The following OSR1 variants were observed in gnomAD, a reference collection of about 807,000 sequenced individuals.
OSR1 encodes protein odd-skipped-related 1.
Under a neutral mutation model 15.7 loss-of-function variants are expected in OSR1, and 3 were observed. The observed-to-expected ratio is 0.19, with a 90% confidence interval of 0.09 to 0.50. OSR1 has a LOEUF of 0.50. Ranked by LOEUF, OSR1 falls within the 20% of genes least tolerant of loss-of-function variation. OSR1 has a pLI of 0.97. For missense variants in OSR1, 271 were observed against 351.1 expected, an observed-to-expected ratio of 0.77 and a Z score of 1.82; for synonymous variants, 166 against 152.7, an observed-to-expected ratio of 1.09 and a Z score of -0.64.
At chr2:19,346,220 T>A in the OSR1 span, among the ~76,000 whole-genome samples, 1 of 152,240 alleles carries the variant, frequency 6.6e-6, no homozygotes, top group African/African-American at 2.4e-5. Flanking sequence ...GAGAGCCAAC[T>A]CAGTGTTTGG....
chr2:19,352,584 G>A (rs1464148740), intron 2 of OSR1, among the ~76,000 whole-genome samples, 174 bp from the exon 3 acceptor site: 1 of 152,140 alleles, frequency 6.6e-6, no homozygotes, highest in Non-Finnish European at 1.5e-5. Flanking sequence ...GGAGGTAAAG[G>A]AGATGCTTTA....
At chr2:19,347,174 G>C (rs1664747199), downstream of OSR1, among the ~76,000 whole-genome samples, 1 of 152,158 alleles carries the variant, frequency 6.6e-6, no homozygotes, top group African/African-American at 2.4e-5. Flanking sequence ...AGTAGGTTGG[G>C]AGGCAGGCTA....
At position 19,352,207 on chromosome 2, in the gene OSR1, T is replaced by C; in HGVS notation, c.*68A>G. ...GCGCCTCTCCCGCTGCCCGCCAGAG[T>C]CAGGCTTCTGGTCCCTATGGAGGAG... On this transcript the variant is annotated 3_prime_UTR_variant, in exon 3 of 3. Transcript: ENST00000272223. 1 of 1,536,380 alleles carries C rather than the reference T, an allele frequency of 6.5e-7. No individual in the cohort carries two copies. Among genetic ancestry groups the C allele is most frequent in the South Asian group, 1.2e-5 (1 of 84,994 alleles).
chr2:19,346,132 C>T, the OSR1 span, among the ~76,000 whole-genome samples: 930 of 152,304 alleles, frequency 6.1e-3, 7 homozygotes, highest in Non-Finnish European at 0.01. Context: ...TCTTATCTCA[C>T]TAGCAAAAAA....
Position 19,357,348 on chromosome 2 carries a change from T to G in OSR1, c.-33+993A>C, listed in dbSNP as rs936801708. On this transcript the variant is annotated intron_variant, in intron 1 of 2. Transcript: ENST00000272223. This position sits in a 1 kb window ranked among gnomAD's most constrained non-coding sequence, Gnocchi z 5.0. ...CGCAGCTCTTAGCCTGGGTGAAATT[T>G]ACCAAATTGTGGCAACAAAGAAACC... Among the ~76,000 whole-genome samples the G allele has an allele frequency of 2.6e-5, 4 of 152,180 alleles. No homozygotes were observed. Among genetic ancestry groups the G allele is most frequent in the Non-Finnish European group, 5.9e-5 (4 of 68,038 alleles).
chr2:19,345,219 G>C, the OSR1 span, among the ~76,000 whole-genome samples: 1 of 152,148 alleles, frequency 6.6e-6, no homozygotes, highest in Non-Finnish European at 1.5e-5. Flanking sequence ...TGTCAGATGA[G>C]TAGGTTGCGA....
At chr2:19,355,228 C>G (rs1441478083) in intron 1 of OSR1, 1 of 152,362 alleles carries the variant, frequency 6.6e-6, no homozygotes, top group Non-Finnish European at 1.5e-5. Flanking sequence ...TCCCTTCTCT[C>G]TTGCCTAGCT....
downstream of OSR1, among the ~76,000 whole-genome samples, chr2:19,347,849 C>T (rs564444896): frequency 2.6e-5 from 4 of 152,374 alleles, no homozygotes; most frequent in East Asian, 3.9e-4. Context: ...CCCGCATTAG[C>T]CAAGCGCCAC....
chr2:19,357,868 G>A lies in OSR1; in HGVS notation c.-33+473C>T, dbSNP rs1345668983. 2 of 152,340 alleles carry A rather than the reference G, an allele frequency of 1.3e-5. No individual in the cohort carries two copies. The highest frequency in any genetic ancestry group is 4.8e-5 in the African/African-American group (2 of 41,478). 9.4% of individuals were successfully genotyped at this position (152,340 alleles called of 1,614,324 possible). ...CAAACTTGAACGAAAGCGCTACCGA[G>A]CTGGGGCATGCACCTGTCCCTGGCG... On this transcript the variant is annotated intron_variant, in intron 1 of 2. Coordinates refer to ENST00000272223, the MANE Select transcript of OSR1 (RefSeq NM_145260.3). The surrounding 1 kb of genome is among the most constrained non-coding windows in gnomAD (Gnocchi z 5.0).
intron 1 of OSR1, chr2:19,355,302 C>T: frequency 6.5e-6 from 1 of 152,770 alleles, no homozygotes. Flanking sequence ...AGGTCCTTTC[C>T]TCTAACATGG....
chr2:19,354,840 G>A, intron 1 of OSR1: 1 of 152,438 alleles, frequency 6.6e-6, no homozygotes, highest in Non-Finnish European at 1.5e-5. Context: ...TGTGTGTTGT[G>A]AGCCCTGGGC....
Position 19,353,840 on chromosome 2 carries a change from G to A in OSR1, c.-32-3C>T. On this transcript the variant is annotated splice_region_variant and splice_polypyrimidine_tract_variant and intron_variant, in intron 1 of 2. Coordinates refer to ENST00000272223, the MANE Select transcript of OSR1 (RefSeq NM_145260.3). ...TGCAGTGGCTTCTCAATCCGGATCT[G>A]CAAAGAAAAGAAGAAGGCAGGGGCG... 1 of 1,579,256 alleles carries A rather than the reference G, an allele frequency of 6.3e-7. No individual in the cohort carries two copies. The highest frequency in any genetic ancestry group is 2.3e-5 in the East Asian group (1 of 43,988).
chr2:19,351,445 C>T (rs1212602014), downstream of OSR1: 1 of 152,278 alleles, frequency 6.6e-6, no homozygotes. Context: ...AGGACCCAAC[C>T]GGTTTCCTGC....
In OSR1 at chr2:19,357,085, A is replaced by G. The variant is rs1305992338; in HGVS notation, c.-33+1256T>C. On this transcript the variant is annotated intron_variant, in intron 1 of 2. Coordinates refer to ENST00000272223, the MANE Select transcript of OSR1 (RefSeq NM_145260.3). This position sits in a 1 kb window ranked among gnomAD's most constrained non-coding sequence, Gnocchi z 5.0. ...GATACTTCTATAGCATTCTCCCAAC[A>G]AACGAGATCTAACGAACCCATTGGC... Among the ~76,000 whole-genome samples the G allele has an allele frequency of 6.6e-6, 1 of 152,062 alleles. No homozygotes were observed. The highest frequency in any genetic ancestry group is 1.5e-5 in the Non-Finnish European group (1 of 67,992).
chr2:19,348,019 G>A (rs1664764229), downstream of OSR1, among the ~76,000 whole-genome samples: 1 of 152,270 alleles, frequency 6.6e-6, no homozygotes, highest in Admixed American at 6.5e-5. Context: ...GGCACCAGCA[G>A]CACTGGCCTG....
At chr2:19,358,227 A>C (rs2103365607) in intron 1 of OSR1, 114 bp downstream of exon 1, 1 of 152,496 alleles carries the variant, frequency 6.6e-6, no homozygotes, top group African/African-American at 2.4e-5. Context: ...GTTTGGCAAG[A>C]GCTTCCTTCA....
At chr2:19,348,904 C>T (rs951377734), downstream of OSR1, among the ~76,000 whole-genome samples, 1 of 152,196 alleles carries the variant, frequency 6.6e-6, no homozygotes, top group Non-Finnish European at 1.5e-5. Context: ...GATAGCTTCC[C>T]CAGCCGTACA....
the OSR1 span, among the ~76,000 whole-genome samples, chr2:19,346,457 C>G: frequency 2.2e-4 from 34 of 152,204 alleles, 1 homozygote; most frequent in African/African-American, 8.0e-4. Context: ...CTAGGATGCT[C>G]TAACACAAGT....
At chr2:19,346,985 T>A (rs1664743556), downstream of OSR1, among the ~76,000 whole-genome samples, 1 of 152,148 alleles carries the variant, frequency 6.6e-6, no homozygotes. Flanking sequence ...TGACACATCA[T>A]CCCAACCAAA....
Sources: gnomAD v4.1 joint callset for allele counts (sites outside exome capture counted in the v4.1 genomes callset) on GRCh38, gnomAD v4.1.1 for gene constraint, Gnocchi (gnomAD v3.1) non-coding constraint, MANE v1.5 for transcripts, NCBI Gene and HGNC (gene_info 2026-07-23, HGNC 2026-07-21) for gene names.